Variants in SHROOM3 observed in about 807,000 individuals in gnomAD.
SHROOM3 encodes shroom family member 3.
Under a neutral mutation model 138.6 loss-of-function variants are expected in SHROOM3, and 47 were observed. The observed-to-expected ratio is 0.34, with a 90% CI of 0.27 to 0.43. The LOEUF is 0.43. SHROOM3 is among the 20% of genes least tolerant of loss of function. The pLI is 1.00. For synonymous variants in SHROOM3, 1,062 were observed against 1,063.3 expected (o/e 1.00, Z 0.02); for missense variants, 2,491 against 2,596.5 (o/e 0.96, Z 0.88).
intron 1 of SHROOM3, among the ~76,000 whole-genome samples, chr4:76,493,944 A>G (rs1731910716): frequency 1.3e-5 from 2 of 152,206 alleles, no homozygotes; most frequent in Admixed American, 1.3e-4. Context: ...ATGCCACTGC[A>G]CTCCAGCTTG....
At chr4:76,561,113 T>C (rs747062165) in intron 2 of SHROOM3, among the ~76,000 whole-genome samples, 1 of 152,112 alleles carries the variant, frequency 6.6e-6, no homozygotes, top group Non-Finnish European at 1.5e-5. Flanking sequence ...GAGCAGAGGG[T>C]AGGGAAAATT....
chr4:76,582,375 T>TA (rs542251189), intron 2 of SHROOM3, among the ~76,000 whole-genome samples: 205 of 145,878 alleles, frequency 1.4e-3, no homozygotes, highest in Admixed American at 2.1e-3. Context: ...ACCCAGAAAT[T>TA]AAAAAAAAAA....
At chr4:76,722,279 T>C (rs1720575621) in intron 3 of SHROOM3, among the ~76,000 whole-genome samples, 1 of 152,114 alleles carries the variant, frequency 6.6e-6, no homozygotes, top group East Asian at 1.9e-4. Context: ...CAATGACAGA[T>C]TGGATAAAGA....
chr4:76,579,634 G>C (rs1489222921), intron 2 of SHROOM3, among the ~76,000 whole-genome samples: 1 of 152,224 alleles, frequency 6.6e-6, no homozygotes, highest in Non-Finnish European at 1.5e-5. Context: ...ATGCTTCCAC[G>C]TCTAATGAAG....
At chr4:76,467,329 G>A (rs746545765) in intron 1 of SHROOM3, among the ~76,000 whole-genome samples, 21 of 152,032 alleles carry the variant, frequency 1.4e-4, no homozygotes, top group Non-Finnish European at 2.8e-4. Flanking sequence ...TTACAGGCAC[G>A]AGCCACCATA....
chr4:76,591,100 T>G (rs758906057), intron 2 of SHROOM3, among the ~76,000 whole-genome samples: 9 of 152,082 alleles, frequency 5.9e-5, no homozygotes, highest in Non-Finnish European at 1.2e-4. Flanking sequence ...AAAACTGAGG[T>G]TTTTCCTCAG....
chr4:76,642,480 A>C (rs998010019), intron 2 of SHROOM3, among the ~76,000 whole-genome samples: 15 of 152,172 alleles, frequency 9.9e-5, no homozygotes, highest in Non-Finnish European at 2.2e-4. Flanking sequence ...AGATGATGGG[A>C]TTAAGCAGGT....
At position 76,484,341 on chromosome 4, in the gene SHROOM3, G is replaced by C. The variant is rs185831900; in HGVS notation, c.168+48121G>C. On this transcript the variant is annotated intron_variant, in intron 1 of 10. Transcript: ENST00000296043. Reference sequence around the variant, plus strand: ...CATCCCCGCACTTTGAGAGGCTGAGGGGGGAGGATTGCTTGAGGCCAGGAG... The same window carrying C: ...CATCCCCGCACTTTGAGAGGCTGAGCGGGGAGGATTGCTTGAGGCCAGGAG... 1.7e-3 allele frequency among the ~76,000 whole-genome samples: 258 copies of C among 152,106 alleles called. 4 individuals carry two copies. The highest frequency in any genetic ancestry group is 2.6e-3 in the Admixed American group (40 of 15,260).
At chr4:76,493,703 G>A (rs760999688) in intron 1 of SHROOM3, among the ~76,000 whole-genome samples, 13 of 152,164 alleles carry the variant, frequency 8.5e-5, no homozygotes, top group Non-Finnish European at 2.9e-5. Flanking sequence ...AATATTGGCC[G>A]GGTGTGGTGG....
intron 1 of SHROOM3, among the ~76,000 whole-genome samples, chr4:76,477,669 T>C (rs1731515968): frequency 6.6e-6 from 1 of 152,160 alleles, no homozygotes; most frequent in East Asian, 1.9e-4. Flanking sequence ...ACAGATGATG[T>C]GATTTTGTGG....
At chr4:76,537,108 A>T (rs1381911790) in intron 1 of SHROOM3, among the ~76,000 whole-genome samples, 1 of 152,084 alleles carries the variant, frequency 6.6e-6, no homozygotes, top group Non-Finnish European at 1.5e-5. Context: ...GCGAGACTCC[A>T]TCTCAAAAAT....
intron 1 of SHROOM3, among the ~76,000 whole-genome samples, chr4:76,455,903 T>C (rs1731017924): frequency 6.6e-6 from 1 of 152,246 alleles, no homozygotes; most frequent in Admixed American, 6.5e-5. Flanking sequence ...TGGTTCCATT[T>C]GGTACCCTAC....
chr4:76,638,320 A>C (rs1216205425), intron 2 of SHROOM3, among the ~76,000 whole-genome samples: 1 of 152,152 alleles, frequency 6.6e-6, no homozygotes, highest in Non-Finnish European at 1.5e-5. Flanking sequence ...CTATGTACCC[A>C]AAAAAATTAA....
Position 76,772,662 on chromosome 4 carries a change from C to T in SHROOM3, c.5622+1764C>T, listed in dbSNP as rs181211152. 1.4e-3 allele frequency among the ~76,000 whole-genome samples: 216 copies of T among 152,246 alleles called. 1 individual carries two copies. Among genetic ancestry groups the T allele is most frequent in the African/African-American group, 5.1e-3 (210 of 41,542 alleles). The stretch of plus-strand genomic sequence containing the variant: ...GATACTACCTAACTCAGAAGTGTGT[C>T]CTGTCCTCCTTTCTTCCACTCGACA... On this transcript the variant is annotated intron_variant, in intron 10 of 10. Transcript: ENST00000296043.
chr4:76,543,841 AG>A (rs764224271), intron 1 of SHROOM3, among the ~76,000 whole-genome samples: 5 of 152,336 alleles, frequency 3.3e-5, no homozygotes, highest in Admixed American at 2.6e-4. Context: ...GTGGAGAGCC[AG>A]GAATACTTGT....
chr4:76,663,449 C>T (rs1053494235), intron 2 of SHROOM3, among the ~76,000 whole-genome samples: 5 of 152,064 alleles, frequency 3.3e-5, no homozygotes, highest in Non-Finnish European at 7.4e-5. Context: ...AGCTACACAA[C>T]TTGCTAAGTC....
At chr4:76,644,755 T>C (rs1271733617) in intron 2 of SHROOM3, among the ~76,000 whole-genome samples, 1 of 152,162 alleles carries the variant, frequency 6.6e-6, no homozygotes, top group Non-Finnish European at 1.5e-5. Flanking sequence ...TCAGCATCAT[T>C]TCATCTGGAT....
At chr4:76,588,861 A>C (rs1734204112) in intron 2 of SHROOM3, among the ~76,000 whole-genome samples, 1 of 151,552 alleles carries the variant, frequency 6.6e-6, no homozygotes, top group Non-Finnish European at 1.5e-5. Context: ...TGTTAGGCCA[A>C]ACCCCTAAAA....
chr4:76,720,947 CAT>C (rs1367490039), intron 3 of SHROOM3, among the ~76,000 whole-genome samples: 1 of 151,832 alleles, frequency 6.6e-6, no homozygotes, highest in African/African-American at 2.4e-5. Context: ...TTTAATTGTT[CAT>C]ATTGAGTTTA....
Sources: gnomAD v4.1 joint callset for allele counts (sites outside exome capture counted in the v4.1 genomes callset) on GRCh38, gnomAD v4.1.1 for gene constraint, MANE v1.5 for transcripts, NCBI Gene and HGNC (gene_info 2026-07-23, HGNC 2026-07-21) for gene names.